Variants in GOLPH3 observed in about 807,000 individuals in gnomAD.
GOLPH3 encodes golgi phosphoprotein 3, also known as coat protein GPP34.
In GOLPH3, 14 loss-of-function variants were observed where a neutral mutation model predicts 28.5. The ratio of observed to expected loss-of-function variants is 0.49; its 90% confidence interval spans 0.32 to 0.77. The LOEUF (loss-of-function observed/expected upper bound fraction) is 0.77. GOLPH3 is among the 30% of genes least tolerant of loss of function. The pLI is 0.03. For synonymous variants in GOLPH3, 158 were observed against 159.2 expected (o/e 0.99, Z 0.06); for missense variants, 350 against 393.7 (o/e 0.89, Z 0.94).
chr5:32,162,051 A>T (rs1354360465), intron 1 of GOLPH3, among the ~76,000 whole-genome samples: 1 of 150,930 alleles, frequency 6.6e-6, no homozygotes, highest in African/African-American at 2.5e-5. Flanking sequence ...AATAAATAAA[A>T]AATAAAAAAA....
intron 1 of GOLPH3, among the ~76,000 whole-genome samples, chr5:32,153,956 G>A (rs1275733983): frequency 6.6e-6 from 1 of 152,212 alleles, no homozygotes; most frequent in African/African-American, 2.4e-5. Flanking sequence ...GGAAATGTAC[G>A]AGTTGAGTCC....
rs563951848 is a variant in GOLPH3, at chr5:32,167,258, G to A, written c.225+6552C>T. 9.9e-5 allele frequency among the ~76,000 whole-genome samples: 15 copies of A among 152,180 alleles called. No homozygotes were observed. In the South Asian group the frequency reaches 2.1e-3, roughly 21 times the overall value. On this transcript the variant is annotated intron_variant, in intron 1 of 3. Coordinates refer to ENST00000265070, the MANE Select transcript of GOLPH3 (RefSeq NM_022130.4). ...GCAATCTTGGCTCACTGCAACCTCC[G>A]CCTCTCAGGTTCAAGTGATTCTCCT...
intron 1 of GOLPH3, among the ~76,000 whole-genome samples, chr5:32,167,763 T>C (rs1264476597): frequency 6.6e-6 from 1 of 150,430 alleles, no homozygotes; most frequent in South Asian, 2.1e-4. Context: ...CTAGGCAACA[T>C]AGTGAGACCA....
In GOLPH3 at chr5:32,126,193, T is replaced by C. The variant is rs769789538; in HGVS notation, c.*19A>G. On this transcript the variant is annotated 3_prime_UTR_variant, in exon 4 of 4. Transcript: ENST00000265070. Reference sequence around the variant, plus strand: ...CTGGTTTACTTGAGAGAAAGGAGAATGGTTCACCCCGAGCAGAGTTACTTG... The same window carrying C: ...CTGGTTTACTTGAGAGAAAGGAGAACGGTTCACCCCGAGCAGAGTTACTTG... The C allele has an allele frequency of 1.1e-5, 17 of 1,587,070 alleles. No homozygotes were observed. The highest frequency in any genetic ancestry group is 1.4e-5 in the Non-Finnish European group (16 of 1,164,118).
chr5:32,126,263 C>A lies in GOLPH3; in HGVS notation c.846G>T (p.Lys282Asn). The A allele has an allele frequency of 6.2e-7, 1 of 1,614,116 alleles. No individual in the cohort carries two copies. The highest frequency in any genetic ancestry group is 8.5e-7 in the Non-Finnish European group (1 of 1,180,004). The change falls in exon 4 of 4, where the codon AAG (lysine) becomes AAT (asparagine). Residue 282 changes from lysine (K) to asparagine (N), a missense_variant. Lys to Asn is a moderately conservative substitution (Grantham distance 94). Coordinates refer to ENST00000265070, the MANE Select transcript of GOLPH3 (RefSeq NM_022130.4). ...LDLDPEVECL[K>N]ANTNEVLWAV... ...CCCACAGAACCTCATTGGTGTTGGC[C>A]TTCAGACATTCCACTTCAGGGTCTA... is the stretch of plus-strand genomic sequence containing the variant.
chr5:32,173,839 C>T lies in GOLPH3; in HGVS notation c.196G>A (p.Val66Met), dbSNP rs1444514572. 6.6e-7 allele frequency: 1 copy of T among 1,504,800 alleles called. No individual in the cohort carries two copies. The highest frequency in any genetic ancestry group is 1.3e-5 in the South Asian group (1 of 78,646). 93.2% of individuals were successfully genotyped at this position (1,504,800 alleles called of 1,614,324 possible). ...KETRLTLMEE[V>M]LLLGLKDREG... Reference sequence around the variant, plus strand: ...CGGTCCTTGAGGCCCAGCAGGAGCACTTCCTCCATCAGGGTCAGCCGCGTT... The same window carrying T: ...CGGTCCTTGAGGCCCAGCAGGAGCATTTCCTCCATCAGGGTCAGCCGCGTT... The change falls in exon 1 of 4, where the codon GTG becomes ATG. Residue 66 changes from valine (V) to methionine (M), a missense_variant. Physicochemically the swap from Val to Met is conservative, Grantham distance 21. Coordinates refer to ENST00000265070, the MANE Select transcript of GOLPH3 (RefSeq NM_022130.4).
At chr5:32,159,856 G>A (rs1327953251) in intron 1 of GOLPH3, among the ~76,000 whole-genome samples, 1 of 152,110 alleles carries the variant, frequency 6.6e-6, no homozygotes, top group Non-Finnish European at 1.5e-5. Flanking sequence ...GTGATACCTC[G>A]AGCCCCAGAG....
chr5:32,153,639 T>C (rs965788591), intron 1 of GOLPH3, among the ~76,000 whole-genome samples: 14 of 152,164 alleles, frequency 9.2e-5, no homozygotes. Context: ...CCAATGCAAA[T>C]ATTTGAAGAA....
chr5:32,147,102 A>T (rs183944229), intron 1 of GOLPH3, among the ~76,000 whole-genome samples: 2 of 152,286 alleles, frequency 1.3e-5, no homozygotes, highest in African/African-American at 4.8e-5. Context: ...AAAAAAACTT[A>T]TAAATGTTCA....
Position 32,166,807 on chromosome 5 carries a change from T to TAAA in GOLPH3, c.225+7000_225+7002dup, listed in dbSNP as rs79462316. ...GAGTGATAAAAGCAAGACTCCATCT[T>TAAA]AAAAAAAAAAAAAAAGCAGGAGGAG... On this transcript the variant is annotated intron_variant, in intron 1 of 3. Transcript: ENST00000265070. Among the ~76,000 whole-genome samples, 11 of 136,000 alleles carry TAAA rather than the reference T, an allele frequency of 8.1e-5. No individual in the cohort carries two copies. The South Asian group carries it at 2.1e-3, about 26-fold the overall frequency. 89.2% of individuals were successfully genotyped at this position (136,000 alleles called of 152,430 possible).
chr5:32,142,457 C>T (rs1305504309), intron 2 of GOLPH3, among the ~76,000 whole-genome samples: 1 of 150,966 alleles, frequency 6.6e-6, no homozygotes, highest in Non-Finnish European at 1.5e-5. Flanking sequence ...GCAGCCACCT[C>T]GTCCGGGAGG....
chr5:32,174,161 G>T lies in GOLPH3; in HGVS notation c.-127C>A. On this transcript the variant is annotated 5_prime_UTR_variant, in exon 1 of 4. Coordinates refer to ENST00000265070, the MANE Select transcript of GOLPH3 (RefSeq NM_022130.4). Reference sequence around the variant, plus strand: ...TCCGGACGCCGGGGCGACGTCCGTCGGCAGCAGGGCCGGGGGCAGTCATGA... The same window carrying T: ...TCCGGACGCCGGGGCGACGTCCGTCTGCAGCAGGGCCGGGGGCAGTCATGA... 1.9e-6 allele frequency: 1 copy of T among 537,286 alleles called. No homozygotes were observed. The highest frequency in any genetic ancestry group is 2.8e-6 in the Non-Finnish European group (1 of 356,522). 33.3% of individuals were successfully genotyped at this position (537,286 alleles called of 1,614,324 possible).
Position 32,173,884 on chromosome 5 carries a change from C to G in GOLPH3, c.151G>C (p.Asp51His). 2.0e-6 allele frequency: 3 copies of G among 1,523,222 alleles called. No individual in the cohort carries two copies. The highest frequency in any genetic ancestry group is 2.6e-6 in the Non-Finnish European group (3 of 1,138,450). 94.4% of individuals were successfully genotyped at this position (1,523,222 alleles called of 1,614,324 possible). Reference sequence around the variant, plus strand: ...CGCGTTTCCTTGGAGTCGCCCTTGTCGTCGTCGTCCTGCTCGTCGCGGCGG... The same window carrying G: ...CGCGTTTCCTTGGAGTCGCCCTTGTGGTCGTCGTCCTGCTCGTCGCGGCGG... ...QSRRDEQDDD[D>H]KGDSKETRLT... The change falls in exon 1 of 4, where the codon GAC becomes CAC. Residue 51 changes from aspartate (D) to histidine (H), a missense_variant. By Grantham distance (81) the Asp-to-His change is moderately conservative. Transcript: ENST00000265070.
At chr5:32,147,581 GT>G (rs1746207210) in intron 1 of GOLPH3, among the ~76,000 whole-genome samples, 1 of 152,130 alleles carries the variant, frequency 6.6e-6, no homozygotes, top group Non-Finnish European at 1.5e-5. Flanking sequence ...CAGCAGTAAT[GT>G]CTGGTGATTA....
intron 1 of GOLPH3, among the ~76,000 whole-genome samples, chr5:32,158,251 C>T (rs1432858798): frequency 6.6e-6 from 1 of 151,848 alleles, no homozygotes; most frequent in Admixed American, 6.6e-5. Context: ...CTCCCCAAAC[C>T]TCTAAAGCTC....
intron 1 of GOLPH3, among the ~76,000 whole-genome samples, chr5:32,162,267 C>T (rs918066684): frequency 6.7e-6 from 1 of 149,784 alleles, no homozygotes; most frequent in Admixed American, 6.6e-5. Context: ...CCAAGGTGGG[C>T]GGATCACGAG....
intron 2 of GOLPH3, among the ~76,000 whole-genome samples, chr5:32,142,725 G>C (rs1746103298): frequency 1.4e-5 from 2 of 147,846 alleles, no homozygotes; most frequent in East Asian, 4.1e-4. Flanking sequence ...CGCCTGGCCA[G>C]CCGCCCCGTC....
chr5:32,160,264 G>C (rs1746544287), intron 1 of GOLPH3, among the ~76,000 whole-genome samples: 1 of 152,136 alleles, frequency 6.6e-6, no homozygotes, highest in Non-Finnish European at 1.5e-5. Context: ...TTAAAATAGA[G>C]ACAGGGTATT....
At chr5:32,167,959 A>T (rs1286655753) in intron 1 of GOLPH3, among the ~76,000 whole-genome samples, 1 of 152,158 alleles carries the variant, frequency 6.6e-6, no homozygotes, top group Non-Finnish European at 1.5e-5. Context: ...GTCTCAAAAG[A>T]AAAAAAGTAC....
Sources: allele counts gnomAD v4.1 joint callset (sites outside exome capture counted in the v4.1 genomes callset), GRCh38; gene constraint gnomAD v4.1.1; transcripts MANE v1.5; gene names NCBI Gene and HGNC (gene_info 2026-07-23, HGNC 2026-07-21).